Variants in CCSER1 observed in about 807,000 individuals in gnomAD.
CCSER1 encodes the protein coiled-coil serine rich protein 1.
Under a neutral mutation model 82.0 loss-of-function variants are expected in CCSER1, and 41 were observed. That is an observed-to-expected ratio of 0.50 (90% CI 0.39 to 0.65). The LOEUF (loss-of-function observed/expected upper bound fraction) is 0.65, where lower values mean the gene tolerates loss of function less well. CCSER1 is among the 30% of genes least tolerant of loss of function. The pLI is 0.00. For missense variants in CCSER1, 1,119 were observed against 1,064.2 expected, an observed-to-expected ratio of 1.05 and a Z score of -0.72; for synonymous variants, 414 against 383.9, an observed-to-expected ratio of 1.08 and a Z score of -0.92.
chr4:90,408,460 G>T (rs115864040), intron 4 of CCSER1, among the ~76,000 whole-genome samples: 3,537 of 152,286 alleles, frequency 0.023, 144 homozygotes, highest in African/African-American at 0.081. Context: ...TTAAGCAGCA[G>T]CATTTGCGGT....
In CCSER1 at chr4:90,605,418, A is replaced by T. The variant is rs1217422372; in HGVS notation, c.1725-22607A>T. ...ATAAAGTTGATATTTATAATTCCTT[A>T]AAGTCACGTATTAAATCTGATATAT... On this transcript the variant is annotated intron_variant, in intron 5 of 10. Coordinates refer to ENST00000509176, the MANE Select transcript of CCSER1 (RefSeq NM_001145065.2). Among the ~76,000 whole-genome samples, 3 of 152,346 alleles carry T rather than the reference A, an allele frequency of 2.0e-5. No individual in the cohort carries two copies. The East Asian group carries it at 5.8e-4, about 29-fold the overall frequency.
intron 5 of CCSER1, among the ~76,000 whole-genome samples, chr4:90,567,872 G>T (rs1779595143): frequency 6.6e-6 from 1 of 152,116 alleles, no homozygotes; most frequent in South Asian, 2.1e-4. Context: ...CTCCCAAAGT[G>T]CTGGAATCAT....
rs1038503414 is a variant in CCSER1 at position 91,366,658 on chromosome 4, A to G, written c.2218-231914A>G. Among the ~76,000 whole-genome samples, 8 of 152,354 alleles carry G rather than the reference A, an allele frequency of 5.3e-5. No individual in the cohort carries two copies. In the South Asian group the frequency reaches 1.7e-3, roughly 32 times the overall value. ...AGCTAGCATGCTACAGCATAAGTTC[A>G]TACTGATCCATTCAATTCAAATTTA... On this transcript the variant is annotated intron_variant, in intron 10 of 10. Coordinates refer to ENST00000509176, the MANE Select transcript of CCSER1 (RefSeq NM_001145065.2).
At chr4:90,965,933 A>G (rs528104868) in intron 9 of CCSER1, among the ~76,000 whole-genome samples, 1 of 152,278 alleles carries the variant, frequency 6.6e-6, no homozygotes, top group South Asian at 2.1e-4. Flanking sequence ...TTTAAGTACC[A>G]AATAGAAATT....
In CCSER1 at chr4:90,628,069, G is replaced by A; in HGVS notation, c.1769G>A (p.Arg590Lys). The change falls in exon 6 of 11, where the codon AGG (arginine) becomes AAG (lysine). Residue 590 changes from arginine to lysine, a missense_variant. By Grantham distance (26) the Arg-to-Lys change is conservative. Coordinates refer to ENST00000509176, the MANE Select transcript of CCSER1 (RefSeq NM_001145065.2). The part of the protein sequence containing the change: ...KLTKDVDQEA[R>K]CSHISRMPNS... ...ACAAAGGACGTTGATCAAGAAGCCA[G>A]GTGTTCCCACATCAGCCGAATGCCC... The A allele has an allele frequency of 6.2e-7, 1 of 1,613,570 alleles. No homozygotes were observed. Among genetic ancestry groups the A allele is most frequent in the Non-Finnish European group, 8.5e-7 (1 of 1,179,666 alleles).
At chr4:90,838,562 A>C (rs1762108903) in intron 8 of CCSER1, among the ~76,000 whole-genome samples, 1 of 151,616 alleles carries the variant, frequency 6.6e-6, no homozygotes, top group Non-Finnish European at 1.5e-5. Flanking sequence ...ATTTGAACAA[A>C]AAAAAAATGG....
intron 1 of CCSER1, among the ~76,000 whole-genome samples, chr4:90,283,955 G>T (rs898281393): frequency 6.6e-6 from 1 of 151,874 alleles, no homozygotes; most frequent in Non-Finnish European, 1.5e-5. Context: ...GTGTATAAGG[G>T]TTCCCCTTTC....
chr4:90,172,425 T>G (rs1731883723), intron 1 of CCSER1, among the ~76,000 whole-genome samples: 1 of 151,860 alleles, frequency 6.6e-6, no homozygotes. Context: ...AAAGATTCTT[T>G]TAGTAATAGC....
chr4:91,355,437 G>A (rs1175851036), intron 10 of CCSER1, among the ~76,000 whole-genome samples: 1 of 151,956 alleles, frequency 6.6e-6, no homozygotes, highest in Non-Finnish European at 1.5e-5. Flanking sequence ...CACACATCAG[G>A]TTGGTTATTT....
intron 10 of CCSER1, among the ~76,000 whole-genome samples, chr4:91,114,706 C>T (rs1292420554): frequency 2.0e-5 from 3 of 152,142 alleles, no homozygotes; most frequent in Admixed American, 6.5e-5. Context: ...AGACGGCTCC[C>T]GCTTCTCCTT....
At chr4:91,150,398 C>T (rs1014244787) in intron 10 of CCSER1, among the ~76,000 whole-genome samples, 2 of 152,184 alleles carry the variant, frequency 1.3e-5, no homozygotes, top group Non-Finnish European at 2.9e-5. Flanking sequence ...ATGGGGTTTT[C>T]TAAATATACA....
At chr4:90,620,921 C>T (rs1024078413) in intron 5 of CCSER1, among the ~76,000 whole-genome samples, 1 of 152,176 alleles carries the variant, frequency 6.6e-6, no homozygotes, top group Non-Finnish European at 1.5e-5. Context: ...TCAAGCCATT[C>T]TCCTGCCTCA....
intron 9 of CCSER1, among the ~76,000 whole-genome samples, chr4:91,070,996 A>C (rs1321020318): frequency 1.3e-5 from 2 of 152,204 alleles, no homozygotes; most frequent in Non-Finnish European, 2.9e-5. Flanking sequence ...AACTTTAATA[A>C]GAATAAATAA....
chr4:90,151,302 G>T lies in CCSER1; in HGVS notation c.-42+23471G>T, dbSNP rs190417225. 1.0e-3 allele frequency among the ~76,000 whole-genome samples: 159 copies of T among 152,018 alleles called. No individual in the cohort carries two copies. The South Asian group carries it at 0.011, about 10-fold the overall frequency. On this transcript the variant is annotated intron_variant, in intron 1 of 10. Transcript: ENST00000509176. ...GCTACTATATTTTAGATTTATTAAT[G>T]AACATAATGATATATGGTTTCTTCA...
chr4:91,468,503 T>TAA (rs574561884), intron 10 of CCSER1, among the ~76,000 whole-genome samples: 11 of 145,618 alleles, frequency 7.6e-5, no homozygotes, highest in Admixed American at 2.8e-4. Flanking sequence ...AACATATAAT[T>TAA]AAAAAAAAAA....
chr4:91,494,603 T>G (rs1284838539), intron 10 of CCSER1, among the ~76,000 whole-genome samples: 2 of 151,818 alleles, frequency 1.3e-5, no homozygotes, highest in Admixed American at 6.6e-5. Flanking sequence ...GAATATCATA[T>G]AGTTTACAAA....
At chr4:90,928,603 A>G (rs1014007865) in intron 9 of CCSER1, among the ~76,000 whole-genome samples, 3 of 152,146 alleles carry the variant, frequency 2.0e-5, no homozygotes, top group Non-Finnish European at 2.9e-5. Flanking sequence ...GCACAGAGAA[A>G]GAATAATTCT....
intron 1 of CCSER1, among the ~76,000 whole-genome samples, chr4:90,167,383 C>A (rs1180150302): frequency 6.6e-6 from 1 of 151,998 alleles, no homozygotes; most frequent in East Asian, 1.9e-4. Flanking sequence ...TTCATTCTAT[C>A]CATGGCTAAA....
chr4:90,564,313 C>G (rs1007248819), intron 5 of CCSER1, among the ~76,000 whole-genome samples: 1 of 152,126 alleles, frequency 6.6e-6, no homozygotes, highest in African/African-American at 2.4e-5. Context: ...CCTTGCCCTC[C>G]TAAAGTGCTA....
Sources: allele counts gnomAD v4.1 joint callset (sites outside exome capture counted in the v4.1 genomes callset), GRCh38; gene constraint gnomAD v4.1.1; transcripts MANE v1.5; gene names NCBI Gene and HGNC (gene_info 2026-07-23, HGNC 2026-07-21).